RERE: variants seen among roughly 807,000 people sequenced by gnomAD.
RERE encodes arginine-glutamic acid dipeptide repeats protein.
RERE carries 40 observed loss-of-function variants against 146.1 expected under a neutral mutation model. The observed-to-expected ratio is 0.27, with a 90% CI of 0.21 to 0.36. The LOEUF (loss-of-function observed/expected upper bound fraction) is 0.36. RERE is among the 10% of genes least tolerant of loss of function. RERE has a pLI of 1.00. For missense variants in RERE, 1,933 were observed against 2,138.7 expected (o/e 0.90, Z 1.90); for synonymous variants, 1,003 against 866.0 (o/e 1.16, Z -2.78).
chr1:8,374,219 C>T (rs1300878950), intron 12 of RERE, among the ~76,000 whole-genome samples: 1 of 152,200 alleles, frequency 6.6e-6, no homozygotes, highest in Non-Finnish European at 1.5e-5. Context: ...TCCAGATCCT[C>T]TTCTGGGGAA....
intron 10 of RERE, among the ~76,000 whole-genome samples, chr1:8,467,859 T>C (rs997564876): frequency 6.6e-5 from 10 of 152,274 alleles, no homozygotes; most frequent in African/African-American, 2.2e-4. Flanking sequence ...TTAACCAGAA[T>C]GGTCTCGATC....
At chr1:8,522,246 C>A (rs563238119) in intron 7 of RERE, among the ~76,000 whole-genome samples, 1 of 152,332 alleles carries the variant, frequency 6.6e-6, no homozygotes, top group South Asian at 2.1e-4. Flanking sequence ...TACACACCAT[C>A]TAAAATATTC....
chr1:8,658,113 A>T (rs1485746118), intron 1 of RERE, among the ~76,000 whole-genome samples: 1 of 152,222 alleles, frequency 6.6e-6, no homozygotes, highest in Non-Finnish European at 1.5e-5. Context: ...TGTCTTTCTA[A>T]GTCAGTTTTG....
chr1:8,673,094 C>T (rs1020394948), intron 1 of RERE, among the ~76,000 whole-genome samples: 6 of 151,904 alleles, frequency 3.9e-5, no homozygotes, highest in South Asian at 4.1e-4. Flanking sequence ...GAGCCTAATT[C>T]ATTTATTTAT....
intron 8 of RERE, among the ~76,000 whole-genome samples, chr1:8,507,476 T>C (rs1213038440): frequency 1.3e-5 from 2 of 152,186 alleles, no homozygotes; most frequent in Admixed American, 1.3e-4. Context: ...GTCGCAATCT[T>C]GGCTCACTGC....
intron 12 of RERE, among the ~76,000 whole-genome samples, chr1:8,393,819 T>A (rs1442944740): frequency 6.6e-6 from 1 of 152,160 alleles, no homozygotes; most frequent in East Asian, 1.9e-4. Flanking sequence ...GTAAAAACTA[T>A]ATAGAGTTGA....
intron 1 of RERE, among the ~76,000 whole-genome samples, chr1:8,757,977 T>C (rs1181036910): frequency 1.3e-5 from 2 of 151,844 alleles, no homozygotes; most frequent in African/African-American, 2.4e-5. Flanking sequence ...TTCTGTTACT[T>C]GCAACAATAT....
chr1:8,434,370 G>A (rs1214923324), intron 11 of RERE, among the ~76,000 whole-genome samples: 3 of 152,206 alleles, frequency 2.0e-5, no homozygotes, highest in South Asian at 2.1e-4. Flanking sequence ...AAGCTTTAGA[G>A]AACTACGCTG....
intron 8 of RERE, among the ~76,000 whole-genome samples, chr1:8,497,741 T>C (rs1570340690): frequency 6.6e-6 from 1 of 152,188 alleles, no homozygotes; most frequent in African/African-American, 2.4e-5. Flanking sequence ...ATAGACTGCT[T>C]AATATCTGCT....
chr1:8,516,387 A>C (rs1410175087), intron 7 of RERE, among the ~76,000 whole-genome samples: 1 of 152,066 alleles, frequency 6.6e-6, no homozygotes, highest in Non-Finnish European at 1.5e-5. Flanking sequence ...TCCATAGGTA[A>C]TAATAATAAC....
intron 1 of RERE, among the ~76,000 whole-genome samples, chr1:8,669,659 T>G (rs1368562267): frequency 6.6e-6 from 1 of 152,222 alleles, no homozygotes; most frequent in Admixed American, 6.5e-5. Flanking sequence ...TTTCACGTAA[T>G]GCTGAGAATG....
At chr1:8,586,366 TG>T (rs1433950095) in intron 4 of RERE, among the ~76,000 whole-genome samples, 1 of 152,210 alleles carries the variant, frequency 6.6e-6, no homozygotes, top group Admixed American at 6.5e-5. Flanking sequence ...ACCTCGAAGA[TG>T]GCTGGCCACG....
intron 1 of RERE, among the ~76,000 whole-genome samples, chr1:8,705,355 G>C (rs1342322689): frequency 6.6e-6 from 1 of 151,962 alleles, no homozygotes; most frequent in Non-Finnish European, 1.5e-5. Context: ...CTTCCCCCAG[G>C]TATAGGGATT....
At chr1:8,781,606 T>C (rs1019963792) in intron 1 of RERE, among the ~76,000 whole-genome samples, 2 of 151,422 alleles carry the variant, frequency 1.3e-5, no homozygotes, top group African/African-American at 4.9e-5. Flanking sequence ...AGTTATTGAA[T>C]CTCTCCGTGC....
At chr1:8,746,014 A>G (rs1640413432) in intron 1 of RERE, among the ~76,000 whole-genome samples, 1 of 152,240 alleles carries the variant, frequency 6.6e-6, no homozygotes, top group African/African-American at 2.4e-5. Flanking sequence ...GCAATGAGCC[A>G]TGATCCTGCC....
At chr1:8,552,472 A>G (rs1645947803) in intron 6 of RERE, among the ~76,000 whole-genome samples, 1 of 151,886 alleles carries the variant, frequency 6.6e-6, no homozygotes, top group Non-Finnish European at 1.5e-5. Context: ...ATCCCTTTTC[A>G]TGTGCCCACA....
intron 4 of RERE, among the ~76,000 whole-genome samples, chr1:8,579,223 T>C (rs1646333709): frequency 6.6e-6 from 1 of 151,894 alleles, no homozygotes; most frequent in South Asian, 2.1e-4. Flanking sequence ...CACATGATGA[T>C]CTTTAAAACA....
intron 1 of RERE, among the ~76,000 whole-genome samples, chr1:8,803,643 G>A (rs1312197337): frequency 6.6e-6 from 1 of 152,036 alleles, no homozygotes; most frequent in South Asian, 2.1e-4. Context: ...GTGCAATGCA[G>A]CCTTGACCTC....
chr1:8,426,923 C>T (rs1644021292), intron 11 of RERE, among the ~76,000 whole-genome samples: 1 of 152,206 alleles, frequency 6.6e-6, no homozygotes, highest in African/African-American at 2.4e-5. Flanking sequence ...GCCTGCTTAC[C>T]CAAAAAGTCC....
Sources: gnomAD v4.1 joint callset for allele counts (sites outside exome capture counted in the v4.1 genomes callset) on GRCh38, gnomAD v4.1.1 for gene constraint, MANE v1.5 for transcripts, NCBI Gene and HGNC (gene_info 2026-07-23, HGNC 2026-07-21) for gene names.